The following OTUD7A variants were observed in gnomAD, a reference collection of about 807,000 sequenced individuals.
OTUD7A encodes OTU domain-containing protein 7A.
A neutral mutation model predicts 65.7 loss-of-function variants in OTUD7A; 12 were observed. That is an observed-to-expected ratio of 0.18 (90% CI 0.12 to 0.30). The LOEUF (loss-of-function observed/expected upper bound fraction) is 0.30, where lower values mean the gene tolerates loss of function less well. Ranked by LOEUF, OTUD7A falls within the 10% of genes least tolerant of loss-of-function variation. OTUD7A has a pLI of 1.00. For synonymous variants in OTUD7A, 641 were observed against 586.3 expected, an observed-to-expected ratio of 1.09 and a Z score of -1.35; for missense variants, 1,148 against 1,304.8, an observed-to-expected ratio of 0.88 and a Z score of 1.85.
chr15:31,759,565 G>T (rs1595750748), intron 1 of OTUD7A, among the ~76,000 whole-genome samples: 1 of 152,130 alleles, frequency 6.6e-6, no homozygotes, highest in East Asian at 1.9e-4. Context: ...ATGGAGTCTT[G>T]CTCTGTCACC....
Position 31,482,105 on chromosome 15 carries a change from G to A in OTUD7A, c.*1189C>T, listed in dbSNP as rs945270459. ...TTGCTGCTCAAAACAGGGTAGCTAA[G>A]GACACATTTTTTTTTTCCTCAAGAA... On this transcript the variant is annotated 3_prime_UTR_variant, in exon 13 of 13. Transcript: ENST00000307050. The A allele has an allele frequency of 2.0e-5, 3 of 152,194 alleles. No homozygotes were observed. The highest frequency in any genetic ancestry group is 4.4e-5 in the Non-Finnish European group (3 of 68,016). The allele number at this position is 152,194 out of a possible 1,614,324, so 9.4% of individuals were successfully genotyped here. A position where few individuals can be genotyped will look rare whatever the true frequency, so the allele number is the denominator to read the frequency against.
intron 1 of OTUD7A, among the ~76,000 whole-genome samples, chr15:31,747,513 C>G (rs1426628964): frequency 6.6e-6 from 1 of 152,130 alleles, no homozygotes; most frequent in Non-Finnish European, 1.5e-5. Context: ...CCCATCAAAT[C>G]TGGGGCAACC....
chr15:31,661,724 A>C (rs1892170134), intron 1 of OTUD7A, among the ~76,000 whole-genome samples: 1 of 152,214 alleles, frequency 6.6e-6, no homozygotes. Flanking sequence ...ACCTAAAAAT[A>C]ACAAAAATTC....
At chr15:31,608,435 C>T (rs1463123930) in intron 3 of OTUD7A, among the ~76,000 whole-genome samples, 1 of 152,116 alleles carries the variant, frequency 6.6e-6, no homozygotes, top group African/African-American at 2.4e-5. Flanking sequence ...TTGAAGCAGA[C>T]TTACAGACAT....
At chr15:31,681,455 TGTCC>T (rs1409071618) in intron 1 of OTUD7A, among the ~76,000 whole-genome samples, 36 of 151,622 alleles carry the variant, frequency 2.4e-4, no homozygotes, top group Admixed American at 2.2e-3. Flanking sequence ...TTTTTCTGTC[TGTCC>T]ATCTGGAGTC....
intron 1 of OTUD7A, among the ~76,000 whole-genome samples, chr15:31,822,246 T>C (rs1896700622): frequency 6.6e-6 from 1 of 152,116 alleles, no homozygotes; most frequent in Non-Finnish European, 1.5e-5. Context: ...AGACAGAAAA[T>C]GGCATAGTGA....
chr15:31,704,432 C>A (rs1448781527), intron 1 of OTUD7A, among the ~76,000 whole-genome samples: 1 of 130,530 alleles, frequency 7.7e-6, no homozygotes, highest in African/African-American at 2.7e-5. Context: ...CTCTGCCTAG[C>A]TTTATTGGGC....
chr15:31,805,753 C>A (rs946550720), intron 1 of OTUD7A, among the ~76,000 whole-genome samples: 2 of 152,214 alleles, frequency 1.3e-5, no homozygotes, highest in Non-Finnish European at 2.9e-5. Flanking sequence ...CGCTTCAAGG[C>A]AGACAGCTAA....
rs539349163 is a variant in OTUD7A, at chr15:31,837,202, CA to C, written c.-100+33304del. Among the ~76,000 whole-genome samples, 5 of 151,804 alleles carry C rather than the reference CA, an allele frequency of 3.3e-5. No homozygotes were observed. In the South Asian group the frequency reaches 1.0e-3, roughly 32 times the overall value. ...ATATACTAGCAATGCCCATATGAAA[CA>C]AATTAAAACAATATGATTCATGATC... is the stretch of plus-strand genomic sequence containing the variant. On this transcript the variant is annotated intron_variant, in intron 1 of 12. Coordinates refer to ENST00000307050, the MANE Select transcript of OTUD7A (RefSeq NM_001382637.1).
chr15:31,546,110 T>C (rs1291281571), intron 5 of OTUD7A, among the ~76,000 whole-genome samples: 1 of 152,168 alleles, frequency 6.6e-6, no homozygotes, highest in Non-Finnish European at 1.5e-5. Flanking sequence ...TATATGCAAA[T>C]AGCACACCAT....
intron 1 of OTUD7A, among the ~76,000 whole-genome samples, chr15:31,812,202 A>G (rs1016987093): frequency 2.6e-5 from 4 of 152,042 alleles, no homozygotes; most frequent in Non-Finnish European, 5.9e-5. Flanking sequence ...TCCTGGACCC[A>G]CTGCCATACT....
At chr15:31,568,926 C>A (rs1484799662) in intron 4 of OTUD7A, among the ~76,000 whole-genome samples, 1 of 152,222 alleles carries the variant, frequency 6.6e-6, no homozygotes, top group Non-Finnish European at 1.5e-5. Flanking sequence ...TGAGCAGATG[C>A]CAGCACCATA....
intron 1 of OTUD7A, among the ~76,000 whole-genome samples, chr15:31,784,841 T>A (rs910717607): frequency 6.6e-6 from 1 of 152,188 alleles, no homozygotes; most frequent in African/African-American, 2.4e-5. Flanking sequence ...AGGTGAGGAA[T>A]GGCACAGTGA....
At chr15:31,641,136 A>G (rs1370635619) in intron 3 of OTUD7A, among the ~76,000 whole-genome samples, 1 of 151,130 alleles carries the variant, frequency 6.6e-6, no homozygotes, top group African/African-American at 2.5e-5. Context: ...TGTTCTTGTG[A>G]ATAATGAGTG....
chr15:31,602,313 G>A (rs1890102015), intron 3 of OTUD7A, among the ~76,000 whole-genome samples: 1 of 152,040 alleles, frequency 6.6e-6, no homozygotes, highest in Non-Finnish European at 1.5e-5. Flanking sequence ...CGCAAATCAA[G>A]AAATGTAATG....
intron 3 of OTUD7A, among the ~76,000 whole-genome samples, chr15:31,587,490 A>C (rs999721250): frequency 6.6e-6 from 1 of 151,822 alleles, no homozygotes; most frequent in Non-Finnish European, 1.5e-5. Flanking sequence ...AAAATACAAA[A>C]ATTAGCCAGG....
intron 3 of OTUD7A, 95 bp from the exon 4 acceptor site, chr15:31,570,292 G>A: frequency 7.4e-7 from 1 of 1,353,740 alleles, no homozygotes; most frequent in Admixed American, 2.2e-5. Flanking sequence ...TTCCCATTAG[G>A]ACATAAACTA....
rs769635420 is a variant in OTUD7A, at chr15:31,755,135, G to A, written c.-99-98058C>T. The stretch of plus-strand genomic sequence containing the variant: ...AGGAGGAGAGAGATGAAGGGAAGGT[G>A]GGAAGAGGGGAAGTGAAGGTGGGAG... On this transcript the variant is annotated intron_variant, in intron 1 of 12. Transcript: ENST00000307050. Among the ~76,000 whole-genome samples the A allele has an allele frequency of 1.2e-4, 18 of 151,496 alleles. 1 individual carries two copies. Among genetic ancestry groups the A allele is most frequent in the Non-Finnish European group, 2.4e-4 (16 of 67,906 alleles).
chr15:31,765,667 C>T (rs936928245), intron 1 of OTUD7A: 1 of 713,868 alleles, frequency 1.4e-6, no homozygotes, highest in Admixed American at 3.0e-5. Context: ...TGACAGACTT[C>T]CTTTTGAGTA....
Sources: gnomAD v4.1 joint callset for allele counts (sites outside exome capture counted in the v4.1 genomes callset) on GRCh38, gnomAD v4.1.1 for gene constraint, MANE v1.5 for transcripts, NCBI Gene and HGNC (gene_info 2026-07-23, HGNC 2026-07-21) for gene names.